VCL: variants seen among roughly 807,000 people sequenced by gnomAD.
VCL encodes vinculin.
In VCL, 47 loss-of-function variants were observed where a neutral mutation model predicts 125.7. The ratio of observed to expected loss-of-function variants is 0.37; its 90% CI spans 0.30 to 0.48. The LOEUF (loss-of-function observed/expected upper bound fraction) is 0.48, where lower values mean the gene tolerates loss of function less well. VCL is among the 20% of genes least tolerant of loss of function. VCL has a pLI of 0.99. For missense variants in VCL, 1,069 were observed against 1,455.5 expected, an observed-to-expected ratio of 0.73 and a Z score of 4.32; for synonymous variants, 458 against 514.6, an observed-to-expected ratio of 0.89 and a Z score of 1.49.
At chr10:74,040,498 A>G (rs556400755) in intron 1 of VCL, among the ~76,000 whole-genome samples, 4 of 152,338 alleles carry the variant, frequency 2.6e-5, no homozygotes, top group African/African-American at 9.6e-5. Context: ...TAGGCCCTTT[A>G]TACTGAATGT....
chr10:74,107,383 G>T, intron 17 of VCL, 29 bp downstream of exon 17: 1 of 1,614,136 alleles, frequency 6.2e-7, no homozygotes, highest in South Asian at 1.1e-5. Flanking sequence ...GCAGAGAATT[G>T]AGCAGGAAGG....
Position 74,064,622 on chromosome 10 carries a change from C to T in VCL, c.240-6048C>T, listed in dbSNP as rs139745328. ...GAGATCTTGCTCTGTTACCCAGGCT[C>T]GTCTGGAACTCCTAAGCTCAAGTGA... On this transcript the variant is annotated intron_variant, in intron 2 of 21. Coordinates refer to ENST00000211998, the MANE Select transcript of VCL (RefSeq NM_014000.3). Among the ~76,000 whole-genome samples, 327 of 152,156 alleles carry T rather than the reference C, an allele frequency of 2.1e-3. 1 individual carries two copies. The highest frequency in any genetic ancestry group is 7.6e-3 in the African/African-American group (315 of 41,524).
In VCL at chr10:74,095,863, T is replaced by A; in HGVS notation, c.1743+8T>A. 6.2e-7 allele frequency: 1 copy of A among 1,612,752 alleles called. No individual in the cohort carries two copies. Among genetic ancestry groups the A allele is most frequent in the Non-Finnish European group, 8.5e-7 (1 of 1,179,932 alleles). The stretch of plus-strand genomic sequence containing the variant: ...CTCCAAGACTCCTTAAAGGTAGAAG[T>A]CAGGAGCACATATCATTTTACTTTT... On this transcript the variant is annotated splice_region_variant and intron_variant, in intron 12 of 21. Coordinates refer to ENST00000211998, the MANE Select transcript of VCL (RefSeq NM_014000.3).
At chr10:74,081,942 C>T (rs1434449091) in intron 6 of VCL, among the ~76,000 whole-genome samples, 1 of 152,130 alleles carries the variant, frequency 6.6e-6, no homozygotes, top group East Asian at 1.9e-4. Context: ...TTCTTCCAAC[C>T]AGTAATTCCA....
chr10:74,003,828 T>A (rs1236738325), intron 1 of VCL, among the ~76,000 whole-genome samples: 1 of 152,138 alleles, frequency 6.6e-6, no homozygotes, highest in East Asian at 1.9e-4. Context: ...CAACAGATCC[T>A]CCCACCTCAG....
intron 13 of VCL, among the ~76,000 whole-genome samples, chr10:74,098,233 A>C (rs1443596508): frequency 2.0e-5 from 3 of 152,176 alleles, no homozygotes; most frequent in African/African-American, 4.8e-5. Context: ...CATATCTATT[A>C]GTTACTGTCT....
At chr10:74,053,610 CTTTT>C (rs2136258189) in intron 2 of VCL, among the ~76,000 whole-genome samples, 1 of 151,670 alleles carries the variant, frequency 6.6e-6, no homozygotes, top group South Asian at 2.1e-4. Flanking sequence ...TTCAATCTTT[CTTTT>C]CTTTTTTCTT....
chr10:74,093,537 A>G (rs1473840526), intron 10 of VCL, among the ~76,000 whole-genome samples: 5 of 152,216 alleles, frequency 3.3e-5, no homozygotes, highest in African/African-American at 1.2e-4. Flanking sequence ...TAATCCCAGC[A>G]CAGGACTCTG....
chr10:74,003,878 C>T (rs1265468171), intron 1 of VCL, among the ~76,000 whole-genome samples: 2 of 152,020 alleles, frequency 1.3e-5, no homozygotes, highest in Non-Finnish European at 2.9e-5. Flanking sequence ...CACCTCCATG[C>T]CTGGCTAATT....
intron 14 of VCL, among the ~76,000 whole-genome samples, chr10:74,102,195 A>T (rs1591710964): frequency 6.9e-6 from 1 of 145,014 alleles, no homozygotes; most frequent in African/African-American, 2.5e-5. Flanking sequence ...CTTTGTTTTG[A>T]TTTTGGAGTT....
chr10:74,004,507 T>A (rs975012139), intron 1 of VCL, among the ~76,000 whole-genome samples: 1 of 152,162 alleles, frequency 6.6e-6, no homozygotes, highest in South Asian at 2.1e-4. Flanking sequence ...TTGTTAAATA[T>A]CAGTGGAGGT....
intron 1 of VCL, among the ~76,000 whole-genome samples, chr10:74,038,371 T>C (rs1841027622): frequency 6.6e-6 from 1 of 152,162 alleles, no homozygotes; most frequent in Admixed American, 6.5e-5. Flanking sequence ...ACAGATTAAA[T>C]AGAATATTTC....
At chr10:74,034,800 TCA>T (rs1406992414) in intron 1 of VCL, among the ~76,000 whole-genome samples, 2 of 152,198 alleles carry the variant, frequency 1.3e-5, no homozygotes, top group African/African-American at 4.8e-5. Flanking sequence ...GGTGGATGGA[TCA>T]CAAGTTCATC....
intron 6 of VCL, among the ~76,000 whole-genome samples, chr10:74,078,039 C>A (rs980425241): frequency 6.6e-6 from 1 of 151,914 alleles, no homozygotes; most frequent in African/African-American, 2.4e-5. Context: ...TCTAATTCTA[C>A]CCTTTGTAAA....
chr10:74,112,219 C>T, intron 19 of VCL, 107 bp downstream of exon 19: 2 of 1,415,198 alleles, frequency 1.4e-6, no homozygotes, highest in South Asian at 1.2e-5. Flanking sequence ...TGAGTCTGAG[C>T]AGGGCGGGCA....
Position 74,107,245 on chromosome 10 carries a change from T to G in VCL, c.2450T>G (p.Phe817Cys). ...NISDPGLQKS[F>C]LDSGYRILGA... ...TTGTGTTTAGGACTGCAAAAGAGCT[T>G]CCTGGACTCAGGATATCGGATCCTG... Residue 817 changes from phenylalanine to cysteine, a missense_variant, in exon 17 of 22, where the codon TTC (phenylalanine) becomes TGC (cysteine). By Grantham distance (205) the Phe-to-Cys change is radical. Transcript: ENST00000211998. 6.2e-7 allele frequency: 1 copy of G among 1,614,200 alleles called. No homozygotes were observed. Among genetic ancestry groups the G allele is most frequent in the Non-Finnish European group, 8.5e-7 (1 of 1,180,028 alleles).
chr10:74,035,901 C>A lies in VCL; in HGVS notation c.169-7182C>A, dbSNP rs2136243742. On this transcript the variant is annotated intron_variant, in intron 1 of 21. Coordinates refer to ENST00000211998, the MANE Select transcript of VCL (RefSeq NM_014000.3). ...TTCCCTAAACAATACAGTATAACAA[C>A]TATGTACATAGCATTTATATTATAT... Among the ~76,000 whole-genome samples, 4 of 152,194 alleles carry A rather than the reference C, an allele frequency of 2.6e-5. No homozygotes were observed. The Middle Eastern group carries it at 0.014, about 518-fold the overall frequency.
At chr10:74,120,494 T>TGTTAA (rs1403916218), downstream of VCL, 3 of 152,150 alleles carry the variant, frequency 2.0e-5, no homozygotes, top group Non-Finnish European at 4.4e-5. Context: ...AAGCTAAAGT[T>TGTTAA]GTTAAGTTTG....
chr10:74,097,151 A>C lies in VCL; in HGVS notation c.1744-53A>C. 6.2e-7 allele frequency: 1 copy of C among 1,604,402 alleles called. No individual in the cohort carries two copies. Among genetic ancestry groups the C allele is most frequent in the Non-Finnish European group, 8.5e-7 (1 of 1,175,702 alleles). ...GTCAGTGAAGTAAGGGCATTAGTAG[A>C]TATGCTTTGAGGATGTATCTGGACA... On this transcript the variant is annotated intron_variant, in intron 12 of 21. Transcript: ENST00000211998. This position sits in a 1 kb window ranked among gnomAD's most constrained non-coding sequence, Gnocchi z 4.1.
Sources: allele counts gnomAD v4.1 joint callset (sites outside exome capture counted in the v4.1 genomes callset), GRCh38; gene constraint gnomAD v4.1.1; non-coding constraint Gnocchi (gnomAD v3.1); transcripts MANE v1.5; gene names NCBI Gene and HGNC (gene_info 2026-07-23, HGNC 2026-07-21).